Variants in DYNC1I1 observed in about 807,000 individuals in gnomAD.
DYNC1I1 encodes the protein dynein cytoplasmic 1 intermediate chain 1, also known as cytoplasmic dynein 1 intermediate chain 1.
A neutral mutation model predicts 86.6 loss-of-function variants in DYNC1I1; 43 were observed. That is an observed-to-expected ratio of 0.50 (90% CI 0.39 to 0.64). DYNC1I1 has a LOEUF of 0.64. DYNC1I1 is among the 30% of genes least tolerant of loss of function. The pLI is 0.00. For synonymous variants in DYNC1I1, 262 were observed against 283.7 expected, an observed-to-expected ratio of 0.92 and a Z score of 0.77; for missense variants, 604 against 788.8, an observed-to-expected ratio of 0.77 and a Z score of 2.81.
intron 14 of DYNC1I1, among the ~76,000 whole-genome samples, chr7:96,057,187 T>C (rs1175804791): frequency 6.6e-6 from 1 of 152,118 alleles, no homozygotes; most frequent in African/African-American, 2.4e-5. Flanking sequence ...AGTTTCTGGG[T>C]TTTGACTGGA....
rs774000073 is a variant in DYNC1I1 at position 96,035,706 on chromosome 7, G to A, written c.1318G>A (p.Val440Ile). 15 of 1,611,994 alleles carry A rather than the reference G, an allele frequency of 9.3e-6. No homozygotes were observed. Among genetic ancestry groups the A allele is most frequent in the Non-Finnish European group, 1.3e-5 (15 of 1,179,144 alleles). Reference sequence around the variant, plus strand: ...AACGGGAGACGTCAATAACTTCGTGGTTGGCAGTGAGGAAGGTACAGTCTA... The same window carrying A: ...AACGGGAGACGTCAATAACTTCGTGATTGGCAGTGAGGAAGGTACAGTCTA... ...FPTGDVNNFV[V>I]GSEEGTVYTA... Residue 440 changes from valine to isoleucine, a missense_variant, in exon 13 of 17, where the codon GTT (valine) becomes ATT (isoleucine). Coordinates refer to ENST00000447467, the MANE Select transcript of DYNC1I1 (RefSeq NM_001135556.2).
chr7:96,049,931 G>T (rs1789348125), intron 14 of DYNC1I1, among the ~76,000 whole-genome samples: 1 of 151,890 alleles, frequency 6.6e-6, no homozygotes, highest in African/African-American at 2.4e-5. Flanking sequence ...TACTCAGGAG[G>T]CTGAGGCAGG....
intron 1 of DYNC1I1, among the ~76,000 whole-genome samples, chr7:95,778,685 A>G (rs1793908593): frequency 6.6e-6 from 1 of 152,046 alleles, no homozygotes; most frequent in African/African-American, 2.4e-5. Context: ...ATTTACAAAC[A>G]GGGTCTTACT....
intron 6 of DYNC1I1, among the ~76,000 whole-genome samples, chr7:95,944,865 G>T (rs1235291336): frequency 7.4e-6 from 1 of 135,246 alleles, no homozygotes; most frequent in African/African-American, 2.8e-5. Context: ...ACACTCTGGG[G>T]ACTGTTGTGG....
intron 6 of DYNC1I1, among the ~76,000 whole-genome samples, chr7:95,871,153 G>A (rs1225105065): frequency 6.6e-6 from 1 of 152,188 alleles, no homozygotes; most frequent in East Asian, 1.9e-4. Flanking sequence ...GAAGTCCGGG[G>A]TGCCGTTAGG....
At chr7:95,944,340 A>G (rs2116457997) in intron 6 of DYNC1I1, among the ~76,000 whole-genome samples, 1 of 152,352 alleles carries the variant, frequency 6.6e-6, no homozygotes, top group Admixed American at 6.5e-5. Flanking sequence ...ATCTCACACC[A>G]GTTAGAATGG....
chr7:95,807,565 A>G (rs951584667), intron 2 of DYNC1I1, among the ~76,000 whole-genome samples: 1 of 152,054 alleles, frequency 6.6e-6, no homozygotes, highest in Non-Finnish European at 1.5e-5. Flanking sequence ...CTGCTTACAT[A>G]TACCCTGATG....
chr7:95,978,737 A>G (rs890183130), intron 7 of DYNC1I1, among the ~76,000 whole-genome samples: 1 of 152,314 alleles, frequency 6.6e-6, no homozygotes, highest in Middle Eastern at 3.4e-3. Context: ...CTCTCATGAG[A>G]AAATTAGAGA....
At chr7:95,896,572 A>T (rs1472271652) in intron 6 of DYNC1I1, among the ~76,000 whole-genome samples, 1 of 152,206 alleles carries the variant, frequency 6.6e-6, no homozygotes, top group East Asian at 1.9e-4. Context: ...AGTTACAGTT[A>T]TTAAACATTT....
At chr7:95,934,703 G>T (rs533459403) in intron 6 of DYNC1I1, among the ~76,000 whole-genome samples, 1 of 152,038 alleles carries the variant, frequency 6.6e-6, no homozygotes, top group African/African-American at 2.4e-5. Context: ...TCCACCTGGT[G>T]GATTTTACTT....
intron 4 of DYNC1I1, among the ~76,000 whole-genome samples, chr7:95,825,143 C>T (rs780432847): frequency 4.5e-4 from 68 of 152,202 alleles, no homozygotes; most frequent in Non-Finnish European, 7.9e-4. Context: ...TGTGGTGTTA[C>T]ATTCCTACCT....
chr7:95,974,395 C>T (rs1455496954), intron 6 of DYNC1I1, among the ~76,000 whole-genome samples: 1 of 152,070 alleles, frequency 6.6e-6, no homozygotes, highest in Non-Finnish European at 1.5e-5. Flanking sequence ...AGTATGTTCC[C>T]AATGACCTTG....
chr7:95,859,422 A>G (rs1335729344), intron 5 of DYNC1I1, among the ~76,000 whole-genome samples: 1 of 152,124 alleles, frequency 6.6e-6, no homozygotes, highest in Non-Finnish European at 1.5e-5. Flanking sequence ...TGTGCATTTG[A>G]AGGATATACA....
intron 6 of DYNC1I1, among the ~76,000 whole-genome samples, chr7:95,972,820 G>A (rs1326435177): frequency 6.6e-6 from 1 of 152,182 alleles, no homozygotes; most frequent in Admixed American, 6.6e-5. Context: ...TGCATAATAT[G>A]TAGTTACTCA....
rs1791286145 is a variant in DYNC1I1 at position 96,109,880 on chromosome 7, TA to T, written c.1543-94del. ...TTTGCTGTTGTAGGGTGGAGTGTTCTAAAAATATGAATTAGGTCTATTATTT... is the reference window on the plus strand; with the variant it reads ...TTTGCTGTTGTAGGGTGGAGTGTTCTAAAATATGAATTAGGTCTATTATTT... On this transcript the variant is annotated intron_variant, in intron 16 of 16. Transcript: ENST00000537881. The T allele has an allele frequency of 1.9e-5, 4 of 207,346 alleles. No individual in the cohort carries two copies. In the South Asian group the frequency reaches 2.3e-4, roughly 12 times the overall value. The allele number at this position is 207,346 out of a possible 1,614,324, so 12.8% of individuals were successfully genotyped here.
chr7:96,045,493 T>C (rs143799933), intron 14 of DYNC1I1, among the ~76,000 whole-genome samples: 153 of 151,946 alleles, frequency 1.0e-3, no homozygotes, highest in Admixed American at 2.2e-3. Flanking sequence ...TCAAAAGAGG[T>C]AGAGAATGAT....
chr7:95,976,514 C>T (rs1272371680), intron 6 of DYNC1I1, among the ~76,000 whole-genome samples: 3 of 152,032 alleles, frequency 2.0e-5, no homozygotes, highest in South Asian at 2.1e-4. Context: ...GTGATGGAAA[C>T]GGGACTATCT....
At chr7:95,902,938 A>G (rs938524681) in intron 6 of DYNC1I1, among the ~76,000 whole-genome samples, 9 of 152,188 alleles carry the variant, frequency 5.9e-5, no homozygotes, top group African/African-American at 9.7e-5. Flanking sequence ...TATGAAAGCT[A>G]TCTTTCTAGT....
intron 6 of DYNC1I1, among the ~76,000 whole-genome samples, chr7:95,952,637 AGTCT>A (rs1306960553): frequency 2.0e-5 from 3 of 152,138 alleles, no homozygotes; most frequent in Non-Finnish European, 2.9e-5. Flanking sequence ...ATCCTCCCAC[AGTCT>A]GTCTATTTTG....
Sources: gnomAD v4.1 joint callset for allele counts (sites outside exome capture counted in the v4.1 genomes callset) on GRCh38, gnomAD v4.1.1 for gene constraint, MANE v1.5 for transcripts, NCBI Gene and HGNC (gene_info 2026-07-23, HGNC 2026-07-21) for gene names.